Variants in EHD1 observed in about 807,000 individuals in gnomAD.
EHD1 encodes EH domain-containing protein 1.
EHD1 carries 19 observed loss-of-function variants against 39.0 expected under a neutral mutation model. The observed-to-expected ratio is 0.49, with a 90% CI of 0.34 to 0.72. The LOEUF (loss-of-function observed/expected upper bound fraction) is 0.72. EHD1 is among the 30% of genes least tolerant of loss of function. The pLI is 0.01. For synonymous variants in EHD1, 323 were observed against 331.2 expected (o/e 0.98, Z 0.27); for missense variants, 542 against 751.5 (o/e 0.72, Z 3.26).
chr11:64,873,344 C>T (rs765443721), intron 2 of EHD1, among the ~76,000 whole-genome samples: 3 of 152,226 alleles, frequency 2.0e-5, no homozygotes, highest in African/African-American at 4.8e-5. Context: ...GGCTCTCTCT[C>T]AGTCCTGCTG....
chr11:64,878,519 C>T lies in EHD1; in HGVS notation c.-55G>A, dbSNP rs745391367. On this transcript the variant is annotated 5_prime_UTR_variant, in exon 1 of 5. Coordinates refer to ENST00000320631, the MANE Select transcript of EHD1 (RefSeq NM_006795.4). ...GGCAGAGCGGCGGCTGAGAGCGGGG[C>T]GAGGGTGCGGAGCCGAGGCGGGGCC... 2.0e-6 allele frequency: 3 copies of T among 1,532,536 alleles called. No individual in the cohort carries two copies. The highest frequency in any genetic ancestry group is 1.4e-5 in the African/African-American group (1 of 73,662). The allele number at this position is 1,532,536 out of a possible 1,614,324, so 94.9% of individuals were successfully genotyped here.
At chr11:64,855,177 G>A in intron 4 of EHD1, 145 bp downstream of exon 4, 3 of 1,260,556 alleles carry the variant, frequency 2.4e-6, no homozygotes, top group Non-Finnish European at 3.2e-6. Flanking sequence ...CTCTGAGTTG[G>A]GTGGGGTGCT....
chr11:64,875,998 C>T (rs1173853311), intron 1 of EHD1, among the ~76,000 whole-genome samples: 9 of 152,182 alleles, frequency 5.9e-5, no homozygotes, highest in Admixed American at 5.9e-4. Flanking sequence ...ACCCAGAAAC[C>T]AGTTGCTCTG....
intron 3 of EHD1, 159 bp from the exon 4 acceptor site, chr11:64,855,645 C>T (rs1592743834): frequency 9.7e-7 from 1 of 1,028,330 alleles, no homozygotes; most frequent in Non-Finnish European, 1.4e-6. Flanking sequence ...CACCGGCTCC[C>T]ACAGTCCTAG....
chr11:64,864,288 G>A (rs1943745453), intron 2 of EHD1, among the ~76,000 whole-genome samples: 1 of 152,266 alleles, frequency 6.6e-6, no homozygotes, highest in Non-Finnish European at 1.5e-5. Context: ...CAGCAGAGCT[G>A]CCAGGTTCCC....
rs189367869 is a variant in EHD1 at position 64,852,505 on chromosome 11, C to G, written c.*1828G>C. The G allele has an allele frequency of 6.6e-6, 1 of 152,368 alleles. No individual in the cohort carries two copies. Among genetic ancestry groups the G allele is most frequent in the Admixed American group, 6.5e-5 (1 of 15,280 alleles). The allele number at this position is 152,368 out of a possible 1,614,324, so 9.4% of individuals were successfully genotyped here. A position where few individuals can be genotyped will look rare whatever the true frequency, so the allele number is the denominator to read the frequency against. On this transcript the variant is annotated 3_prime_UTR_variant, in exon 5 of 5. Transcript: ENST00000320631. Reference sequence around the variant, plus strand: ...CCCCAAGTGAACTGCTCAGCTCCCACCTTGCTCAGGGAAGGGGGCATCACC... The same window carrying G: ...CCCCAAGTGAACTGCTCAGCTCCCAGCTTGCTCAGGGAAGGGGGCATCACC...
At position 64,854,277 on chromosome 11, in the gene EHD1, C is replaced by T. The variant is rs369765857; in HGVS notation, c.*56G>A. ...TGAGAAATGGTGAGGCTTCCCCTCC[C>T]CCCGTCTCTGCCTCCCGGCCGGGCG... is the stretch of plus-strand genomic sequence containing the variant. On this transcript the variant is annotated 3_prime_UTR_variant, in exon 5 of 5. Transcript: ENST00000320631. The T allele has an allele frequency of 4.8e-5, 73 of 1,532,976 alleles. No individual in the cohort carries two copies. In the South Asian group the frequency reaches 8.2e-4, roughly 17 times the overall value. 95.0% of individuals were successfully genotyped at this position (1,532,976 alleles called of 1,614,324 possible).
chr11:64,869,638 A>T (rs1262086061), intron 2 of EHD1, among the ~76,000 whole-genome samples: 1 of 152,168 alleles, frequency 6.6e-6, no homozygotes, highest in Non-Finnish European at 1.5e-5. Flanking sequence ...GCTCCCAGGG[A>T]CTACAGCAAC....
At chr11:64,855,694 G>T in intron 3 of EHD1, 2 of 649,454 alleles carry the variant, frequency 3.1e-6, no homozygotes, top group African/African-American at 1.8e-5. Context: ...GCTGTCCACT[G>T]CCACAGGACA....
Position 64,854,316 on chromosome 11 carries a change from T to C in EHD1, c.*17A>G, listed in dbSNP as rs758470055. On this transcript the variant is annotated 3_prime_UTR_variant, in exon 5 of 5. Transcript: ENST00000320631. ...CCCGGCCGGGCGTGCAAATGGCAGG[T>C]GCGGGGCCGGGCGCCATCACTCATG... The C allele has an allele frequency of 6.3e-7, 1 of 1,581,678 alleles. No homozygotes were observed. Among genetic ancestry groups the C allele is most frequent in the South Asian group, 1.1e-5 (1 of 88,728 alleles).
chr11:64,859,686 G>A, intron 3 of EHD1: 1 of 566,352 alleles, frequency 1.8e-6, no homozygotes. Flanking sequence ...AGTAGATGGG[G>A]TATAAACCAC....
chr11:64,873,827 C>A (rs1441003268), intron 2 of EHD1, among the ~76,000 whole-genome samples: 1 of 151,830 alleles, frequency 6.6e-6, no homozygotes, highest in African/African-American at 2.4e-5. Context: ...CAGGCGCCCA[C>A]CAACACGCCC....
chr11:64,870,557 A>C (rs1179247685), intron 2 of EHD1, among the ~76,000 whole-genome samples: 2 of 150,664 alleles, frequency 1.3e-5, no homozygotes, highest in Non-Finnish European at 2.9e-5. Context: ...TGCAAGTAGA[A>C]ACACTACCCT....
chr11:64,877,992 A>AG, intron 1 of EHD1, 69 bp downstream of exon 1: 3 of 1,405,548 alleles, frequency 2.1e-6, no homozygotes, highest in Non-Finnish European at 1.9e-6. Context: ...CAGCCACGGG[A>AG]GGGTCAGGCT....
At chr11:64,861,536 T>C (rs1943716615) in intron 2 of EHD1, among the ~76,000 whole-genome samples, 1 of 152,148 alleles carries the variant, frequency 6.6e-6, no homozygotes. Flanking sequence ...AGGCTCCCCA[T>C]TTTGCAGGAA....
chr11:64,872,590 C>T (rs1393687295), intron 2 of EHD1, among the ~76,000 whole-genome samples: 2 of 148,780 alleles, frequency 1.3e-5, no homozygotes, highest in South Asian at 4.2e-4. Flanking sequence ...AAATACTAGC[C>T]CTCGCTTTTT....
At chr11:64,879,141 T>C (rs1943926711), upstream of EHD1, 12 of 1,013,110 alleles carry the variant, frequency 1.2e-5, no homozygotes, top group Non-Finnish European at 1.3e-5. Flanking sequence ...ACTGTCTTTG[T>C]CCCCTCATCT....
At chr11:64,878,905 C>T (rs1780437635), upstream of EHD1, 1 of 1,029,392 alleles carries the variant, frequency 9.7e-7, no homozygotes, top group Non-Finnish European at 1.2e-6. Flanking sequence ...AGCGGGCGTT[C>T]GGCGGAGACG....
chr11:64,879,244 GA>G, upstream of EHD1: 2 of 1,098,412 alleles, frequency 1.8e-6, no homozygotes, highest in Non-Finnish European at 1.1e-6. Flanking sequence ...ACTGGGGAAA[GA>G]AAAATGGGCA....
Sources: allele counts gnomAD v4.1 joint callset (sites outside exome capture counted in the v4.1 genomes callset), GRCh38; gene constraint gnomAD v4.1.1; transcripts MANE v1.5; gene names NCBI Gene and HGNC (gene_info 2026-07-23, HGNC 2026-07-21).